Variants in ZNF492 observed in about 807,000 individuals in gnomAD.
ZNF492 encodes the protein zinc finger protein 115 (Y20).
Under a neutral mutation model 6.4 loss-of-function variants are expected in ZNF492, and 3 were observed. The observed-to-expected ratio is 0.47, with a 90% CI of 0.21 to 1.22. The LOEUF (loss-of-function observed/expected upper bound fraction) is 1.22. Among genes scored for constraint, ZNF492 ranks in the 50% most tolerant of loss-of-function variants. ZNF492 has a pLI of 0.22. For missense variants in ZNF492, 356 were observed against 612.5 expected (o/e 0.58, Z 4.42); for synonymous variants, 112 against 205.3 (o/e 0.55, Z 3.89).
intron 1 of ZNF492, among the ~76,000 whole-genome samples, chr19:22,649,841 C>T (rs778426657): frequency 3.9e-5 from 6 of 152,236 alleles, no homozygotes; most frequent in African/African-American, 1.2e-4. Context: ...TGGCTCCTCT[C>T]GCTAACTTTT....
intron 3 of ZNF492, among the ~76,000 whole-genome samples, chr19:22,655,694 T>TTTTTTTTTTA (rs1971987551): frequency 2.7e-4 from 39 of 143,704 alleles, no homozygotes; most frequent in African/African-American, 9.9e-4. Flanking sequence ...TTTTTTTTTT[T>TTTTTTTTTTA]ACTTATTCCA....
At chr19:22,642,014 C>T (rs1207372558) in intron 1 of ZNF492, among the ~76,000 whole-genome samples, 3 of 152,060 alleles carry the variant, frequency 2.0e-5, no homozygotes, top group Non-Finnish European at 2.9e-5. Context: ...AGGATGGTCT[C>T]GATCTCCTGA....
rs1418572402 is a variant in ZNF492 at position 22,666,664 on chromosome 19, T to C, written c.*1399T>C. The C allele has an allele frequency of 1.3e-5, 2 of 152,212 alleles. No individual in the cohort carries two copies. The highest frequency in any genetic ancestry group is 3.8e-4 in the East Asian group (2 of 5,200). 9.4% of individuals were successfully genotyped at this position (152,212 alleles called of 1,614,324 possible). ...GTTCTTTGTGATTCACTTACAGTAC[T>C]GAGTGATGCATGAGGTAGGTGTTCT... is the stretch of plus-strand genomic sequence containing the variant. On this transcript the variant is annotated 3_prime_UTR_variant, in exon 4 of 4. Coordinates refer to ENST00000456783, the MANE Select transcript of ZNF492 (RefSeq NM_020855.3).
chr19:22,660,180 GAAAA>G (rs140402601), intron 3 of ZNF492, among the ~76,000 whole-genome samples: 3 of 151,536 alleles, frequency 2.0e-5, no homozygotes, highest in African/African-American at 7.3e-5. Context: ...GACTCTTGTA[GAAAA>G]AAAAGTTGGA....
chr19:22,663,750 A>G, intron 3 of ZNF492, 50 bp from the exon 4 acceptor site: 2 of 1,432,698 alleles, frequency 1.4e-6, no homozygotes, highest in Non-Finnish European at 1.8e-6. Flanking sequence ...TGTAAAGTAC[A>G]TTCGTCTGAG....
intron 1 of ZNF492, among the ~76,000 whole-genome samples, chr19:22,644,982 T>A (rs1971862755): frequency 6.6e-6 from 1 of 152,172 alleles, no homozygotes; most frequent in Non-Finnish European, 1.5e-5. Flanking sequence ...TGATCAGTGA[T>A]GTTGAGCTTC....
At chr19:22,636,842 C>A in intron 1 of ZNF492, among the ~76,000 whole-genome samples, 1 of 150,060 alleles carries the variant, frequency 6.7e-6, no homozygotes, top group African/African-American at 2.5e-5. Context: ...CCATGTTGGC[C>A]AGGCTGGTCT....
At chr19:22,651,833 C>T (rs528115332) in intron 1 of ZNF492, among the ~76,000 whole-genome samples, 12 of 147,254 alleles carry the variant, frequency 8.1e-5, no homozygotes, top group African/African-American at 1.9e-4. Flanking sequence ...GCATTTATTA[C>T]GCAGAAAGTT....
intron 3 of ZNF492, among the ~76,000 whole-genome samples, 162 bp downstream of exon 3, chr19:22,654,177 C>T (rs1305665020): frequency 1.3e-5 from 2 of 151,942 alleles, no homozygotes; most frequent in Non-Finnish European, 2.9e-5. Flanking sequence ...ATAGAAGCAT[C>T]TTCTGTCTTA....
chr19:22,652,048 G>T (rs1426764445), intron 1 of ZNF492, among the ~76,000 whole-genome samples: 1 of 152,080 alleles, frequency 6.6e-6, no homozygotes. Context: ...CCTTCTGTGT[G>T]CATCAGCACA....
At chr19:22,657,916 T>C (rs1215604224) in intron 3 of ZNF492, among the ~76,000 whole-genome samples, 6 of 152,104 alleles carry the variant, frequency 3.9e-5, no homozygotes, top group African/African-American at 1.4e-4. Flanking sequence ...TAATGGTGGC[T>C]TTATCTTGTC....
chr19:22,657,840 A>G (rs1163192287), intron 3 of ZNF492, among the ~76,000 whole-genome samples: 3 of 152,038 alleles, frequency 2.0e-5, no homozygotes, highest in Admixed American at 2.0e-4. Flanking sequence ...GTGTGTTTTT[A>G]TCTATAAATA....
chr19:22,649,644 T>C (rs1226076424), intron 1 of ZNF492, among the ~76,000 whole-genome samples: 2 of 152,092 alleles, frequency 1.3e-5, no homozygotes, highest in South Asian at 2.1e-4. Context: ...TCTTGTTCAG[T>C]CTTTTTTTCT....
At chr19:22,654,599 CTCTT>C (rs1317622525) in intron 3 of ZNF492, among the ~76,000 whole-genome samples, 3 of 142,250 alleles carry the variant, frequency 2.1e-5, no homozygotes, top group East Asian at 4.2e-4. Context: ...TTTTCTTTTT[CTCTT>C]TCTTTTTTTT....
At chr19:22,650,556 C>T (rs1475227604) in intron 1 of ZNF492, among the ~76,000 whole-genome samples, 2 of 152,080 alleles carry the variant, frequency 1.3e-5, no homozygotes, top group Non-Finnish European at 2.9e-5. Context: ...ACTGCAGTCA[C>T]CTCTCCCCCT....
At chr19:22,645,826 G>A (rs925649484) in intron 1 of ZNF492, among the ~76,000 whole-genome samples, 2 of 152,102 alleles carry the variant, frequency 1.3e-5, no homozygotes, top group African/African-American at 4.8e-5. Context: ...ATATCAGATG[G>A]TTGTAGACGT....
At chr19:22,635,474 G>A (rs1329200975) in intron 1 of ZNF492, among the ~76,000 whole-genome samples, 2 of 152,080 alleles carry the variant, frequency 1.3e-5, no homozygotes, top group African/African-American at 4.8e-5. Context: ...TTTTGACAAA[G>A]CATTAGATGG....
chr19:22,651,149 T>G (rs879289476), intron 1 of ZNF492, among the ~76,000 whole-genome samples: 168 of 151,872 alleles, frequency 1.1e-3, no homozygotes, highest in Non-Finnish European at 1.9e-3. Context: ...GGCTGGGGGG[T>G]GGGGGCTCCC....
At chr19:22,657,505 T>G (rs376940044) in intron 3 of ZNF492, among the ~76,000 whole-genome samples, 1 of 152,180 alleles carries the variant, frequency 6.6e-6, no homozygotes, top group East Asian at 1.9e-4. Context: ...TATCTGAAAC[T>G]TTTACTGCAT....
Sources: allele counts gnomAD v4.1 joint callset (sites outside exome capture counted in the v4.1 genomes callset), GRCh38; gene constraint gnomAD v4.1.1; transcripts MANE v1.5; gene names NCBI Gene and HGNC (gene_info 2026-07-23, HGNC 2026-07-21).